Variants in NPAS3 observed in about 807,000 individuals in gnomAD.
The protein encoded by NPAS3 is neuronal PAS domain protein 3.
A neutral mutation model predicts 73.1 loss-of-function variants in NPAS3; 14 were observed. The observed-to-expected ratio is 0.19, with a 90% CI of 0.13 to 0.30. The LOEUF (loss-of-function observed/expected upper bound fraction) is 0.30. NPAS3 is among the 10% of genes least tolerant of loss of function. The pLI is 1.00. For missense variants in NPAS3, 1,096 were observed against 1,250.0 expected, an observed-to-expected ratio of 0.88 and a Z score of 1.86; for synonymous variants, 620 against 541.5, an observed-to-expected ratio of 1.14 and a Z score of -2.01.
intron 4 of NPAS3, among the ~76,000 whole-genome samples, chr14:33,403,752 A>G (rs940012471): frequency 6.6e-6 from 1 of 151,986 alleles, no homozygotes; most frequent in Admixed American, 6.6e-5. Context: ...TTCATGAATG[A>G]ACTATTATTG....
chr14:33,224,814 GATTCTATGAAAAGAATA>G (rs1411051564), intron 3 of NPAS3, among the ~76,000 whole-genome samples: 1 of 152,154 alleles, frequency 6.6e-6, no homozygotes, highest in Non-Finnish European at 1.5e-5. Context: ...ATCACAACAT[GATTCTATGAAAAGAATA>G]ATTCTATGAA....
At chr14:33,547,298 C>T (rs1385537604) in intron 4 of NPAS3, among the ~76,000 whole-genome samples, 2 of 152,140 alleles carry the variant, frequency 1.3e-5, no homozygotes, top group Non-Finnish European at 2.9e-5. Context: ...TAAAACAAAT[C>T]TGACTTGTTG....
At chr14:33,652,843 T>C (rs1276909072) in intron 5 of NPAS3, among the ~76,000 whole-genome samples, 1 of 152,208 alleles carries the variant, frequency 6.6e-6, no homozygotes, top group South Asian at 2.1e-4. Context: ...TGCAATAAGC[T>C]GTCCAGGGCT....
chr14:33,089,228 C>T (rs1032161779), intron 2 of NPAS3, among the ~76,000 whole-genome samples: 5 of 152,140 alleles, frequency 3.3e-5, no homozygotes, highest in East Asian at 1.9e-4. Context: ...TAGAACCCAT[C>T]GCAAAGAAGC....
At chr14:33,388,687 T>C (rs1230174732) in intron 4 of NPAS3, among the ~76,000 whole-genome samples, 1 of 152,114 alleles carries the variant, frequency 6.6e-6, no homozygotes, top group Non-Finnish European at 1.5e-5. Context: ...AAATGTATTA[T>C]ATTCTTCTTT....
chr14:33,600,198 C>G (rs1226844034), intron 5 of NPAS3, among the ~76,000 whole-genome samples: 1 of 152,146 alleles, frequency 6.6e-6, no homozygotes, highest in Non-Finnish European at 1.5e-5. Flanking sequence ...CACAGAATAA[C>G]TAAATATTAA....
At chr14:33,789,420 G>C (rs2063279698) in intron 9 of NPAS3, among the ~76,000 whole-genome samples, 1 of 152,260 alleles carries the variant, frequency 6.6e-6, no homozygotes, top group Non-Finnish European at 1.5e-5. Flanking sequence ...TTGTGTGCTA[G>C]CAGAGATGTT....
chr14:33,345,493 A>G (rs2044683798), intron 3 of NPAS3, among the ~76,000 whole-genome samples: 1 of 152,260 alleles, frequency 6.6e-6, no homozygotes, highest in Non-Finnish European at 1.5e-5. Flanking sequence ...TCGACAGGAA[A>G]ATAAAGTCAA....
chr14:33,563,894 T>C (rs893974691), intron 5 of NPAS3, among the ~76,000 whole-genome samples: 28 of 152,316 alleles, frequency 1.8e-4, no homozygotes, highest in Non-Finnish European at 3.2e-4. Flanking sequence ...CCAGCGTTTA[T>C]GAAATCTCTT....
At chr14:33,778,475 T>C (rs2062886867) in exon 9 of NPAS3, 3 of 1,608,172 alleles carry the variant, frequency 1.9e-6, no homozygotes, top group Admixed American at 1.7e-5. Context: ...GGATTAGTGA[T>C]TATATGGATC....
chr14:33,084,706 C>G (rs1370219351), intron 2 of NPAS3, among the ~76,000 whole-genome samples: 1 of 152,024 alleles, frequency 6.6e-6, no homozygotes, highest in East Asian at 1.9e-4. Context: ...AGGGGAGACC[C>G]TTGAGGTTAT....
At chr14:33,502,813 T>C (rs1205258693) in intron 4 of NPAS3, among the ~76,000 whole-genome samples, 1 of 151,942 alleles carries the variant, frequency 6.6e-6, no homozygotes, top group Non-Finnish European at 1.5e-5. Context: ...CCCCCACCCA[T>C]AAAAGCTGCT....
chr14:33,421,017 C>T (rs918091263), intron 4 of NPAS3, among the ~76,000 whole-genome samples: 7 of 151,904 alleles, frequency 4.6e-5, no homozygotes, highest in African/African-American at 1.4e-4. Flanking sequence ...GTCGAATAAC[C>T]AGGTTTTCAT....
intron 3 of NPAS3, among the ~76,000 whole-genome samples, chr14:33,317,007 C>T (rs1407614037): frequency 6.6e-6 from 1 of 152,164 alleles, no homozygotes; most frequent in Non-Finnish European, 1.5e-5. Flanking sequence ...TTTCGTAAAG[C>T]ATGCTCCTTC....
At position 33,073,667 on chromosome 14, in the gene NPAS3, A is replaced by T. The variant is rs180867473; in HGVS notation, c.140+17673A>T. On this transcript the variant is annotated intron_variant, in intron 2 of 11. Coordinates refer to ENST00000356141, the Ensembl canonical transcript of NPAS3. ...CAAACAAAAGATGGAAACAATTTCT[A>T]TTCAGGATTGACTAGAAAGGGTTTA... 2.6e-5 allele frequency among the ~76,000 whole-genome samples: 4 copies of T among 152,368 alleles called. No individual in the cohort carries two copies. The East Asian group carries it at 7.7e-4, about 29-fold the overall frequency.
intron 4 of NPAS3, among the ~76,000 whole-genome samples, chr14:33,475,867 G>C (rs745908906): frequency 6.6e-6 from 1 of 152,156 alleles, no homozygotes; most frequent in African/African-American, 2.4e-5. Flanking sequence ...GCATGGACCA[G>C]AGTGAAATAA....
chr14:33,163,949 C>T (rs10483429), intron 2 of NPAS3, among the ~76,000 whole-genome samples: 13,976 of 152,224 alleles, frequency 0.092, 1,004 homozygotes, highest in East Asian at 0.34. Flanking sequence ...CTTTAAATTT[C>T]TCTGATTGAA....
At chr14:33,548,861 C>G (rs1179353846) in intron 4 of NPAS3, among the ~76,000 whole-genome samples, 1 of 152,180 alleles carries the variant, frequency 6.6e-6, no homozygotes, top group Non-Finnish European at 1.5e-5. Context: ...AGGGAGAGAT[C>G]ACATGTGTTG....
chr14:33,800,258 G>A lies in NPAS3; in HGVS notation c.1951G>A (p.Glu651Lys). Reference sequence around the variant, plus strand: ...TGCCTCGGTGCTCAAGATCAAGACGGAGATCTCAGAACCCATCAATTTCGA... The same window carrying A: ...TGCCTCGGTGCTCAAGATCAAGACGAAGATCTCAGAACCCATCAATTTCGA... Residue 651 changes from glutamate to lysine, a missense_variant, in exon 12 of 12, where the codon GAG becomes AAG. Physicochemically the swap from Glu to Lys is moderately conservative, Grantham distance 56. Transcript: ENST00000356141. This position sits in a 1 kb window ranked among gnomAD's most constrained non-coding sequence, Gnocchi z 6.5. The A allele has an allele frequency of 6.2e-7, 1 of 1,613,382 alleles. No homozygotes were observed. Among genetic ancestry groups the A allele is most frequent in the Non-Finnish European group, 8.5e-7 (1 of 1,179,658 alleles).
Sources: allele counts gnomAD v4.1 joint callset (sites outside exome capture counted in the v4.1 genomes callset), GRCh38; gene constraint gnomAD v4.1.1; non-coding constraint Gnocchi (gnomAD v3.1); transcripts MANE v1.5; gene names NCBI Gene and HGNC (gene_info 2026-07-23, HGNC 2026-07-21).